Variants in RPS6KC1 observed in about 807,000 individuals in gnomAD.
RPS6KC1 encodes inactive ribosomal protein S6 kinase delta-1.
RPS6KC1 carries 54 observed loss-of-function variants against 103.8 expected under a neutral mutation model. The observed-to-expected ratio is 0.52, with a 90% CI of 0.42 to 0.65. RPS6KC1 has a LOEUF of 0.65. Ranked by LOEUF, RPS6KC1 falls within the 30% of genes least tolerant of loss-of-function variation. RPS6KC1 has a pLI of 0.00. For missense variants in RPS6KC1, 1,151 were observed against 1,253.8 expected (o/e 0.92, Z 1.24); for synonymous variants, 439 against 438.7 (o/e 1.00, Z -0.01).
At chr1:213,841,753 G>A in the RPS6KC1 span, among the ~76,000 whole-genome samples, 1 of 152,216 alleles carries the variant, frequency 6.6e-6, no homozygotes, top group African/African-American at 2.4e-5. Flanking sequence ...CAGCAAAGAT[G>A]TTTGAGACAG....
the RPS6KC1 span, among the ~76,000 whole-genome samples, chr1:213,858,533 T>G: frequency 6.6e-6 from 1 of 152,140 alleles, no homozygotes; most frequent in Non-Finnish European, 1.5e-5. Context: ...CAGGCCAATA[T>G]TGCTGCACAG....
chr1:213,454,155 G>A, the RPS6KC1 span, among the ~76,000 whole-genome samples: 2 of 151,428 alleles, frequency 1.3e-5, no homozygotes, highest in South Asian at 2.1e-4. Context: ...CATGGGGGGG[G>A]TCAGCATTCC....
the RPS6KC1 span, among the ~76,000 whole-genome samples, chr1:213,454,026 A>T: frequency 2.0e-5 from 3 of 152,226 alleles, no homozygotes; most frequent in Non-Finnish European, 4.4e-5. Flanking sequence ...ATGTATGTAG[A>T]TAATAGTCTA....
At chr1:213,676,274 C>G in the RPS6KC1 span, among the ~76,000 whole-genome samples, 1 of 152,142 alleles carries the variant, frequency 6.6e-6, no homozygotes, top group Non-Finnish European at 1.5e-5. Flanking sequence ...GCTGCTCTAA[C>G]TGTGGCTTAT....
chr1:213,105,246 A>G (rs1307656281), intron 4 of RPS6KC1, among the ~76,000 whole-genome samples: 2 of 145,710 alleles, frequency 1.4e-5, no homozygotes, highest in Non-Finnish European at 3.0e-5. Flanking sequence ...CATTTTTAAT[A>G]ATAATTTTCT....
the RPS6KC1 span, among the ~76,000 whole-genome samples, chr1:213,769,013 A>G: frequency 6.6e-6 from 1 of 152,212 alleles, no homozygotes; most frequent in Non-Finnish European, 1.5e-5. Flanking sequence ...GGACAACAAA[A>G]GCGGCAGGGA....
At chr1:213,375,446 C>T in the RPS6KC1 span, among the ~76,000 whole-genome samples, 76,486 of 152,056 alleles carry the variant, frequency 0.5, 22,213 homozygotes, top group East Asian at 0.75. Context: ...TGGTAGATTT[C>T]GAGGTGAATG....
chr1:213,342,009 A>T, the RPS6KC1 span, among the ~76,000 whole-genome samples: 5 of 152,162 alleles, frequency 3.3e-5, no homozygotes, highest in African/African-American at 1.2e-4. Context: ...GTGTCAGTGC[A>T]TGTTCATTTC....
At chr1:213,100,264 T>C (rs1419285922) in intron 3 of RPS6KC1, among the ~76,000 whole-genome samples, 1 of 145,154 alleles carries the variant, frequency 6.9e-6, no homozygotes, top group African/African-American at 2.9e-5. Context: ...TATCCTTTTT[T>C]TTTGAAGTAT....
the RPS6KC1 span, among the ~76,000 whole-genome samples, chr1:213,662,427 A>ATTTTTT: frequency 1.5e-5 from 1 of 67,128 alleles, no homozygotes. Context: ...ACACCTGGCT[A>ATTTTTT]ATTTTTTTTT....
chr1:213,625,585 C>T, the RPS6KC1 span, among the ~76,000 whole-genome samples: 10 of 152,186 alleles, frequency 6.6e-5, no homozygotes, highest in East Asian at 3.8e-4. Flanking sequence ...CTCCCTCCTC[C>T]GACCCCACAA....
the RPS6KC1 span, among the ~76,000 whole-genome samples, chr1:213,563,535 C>A: frequency 1.4e-3 from 210 of 152,190 alleles, 2 homozygotes; most frequent in African/African-American, 4.8e-3. Context: ...ACTCTTCATT[C>A]CCACTTTATT....
At chr1:213,182,227 C>A (rs1191508790) in intron 8 of RPS6KC1, among the ~76,000 whole-genome samples, 1 of 152,158 alleles carries the variant, frequency 6.6e-6, no homozygotes, top group Non-Finnish European at 1.5e-5. Flanking sequence ...TGCAGTGGCT[C>A]ACATCTGTAA....
the RPS6KC1 span, among the ~76,000 whole-genome samples, chr1:213,630,448 C>A: frequency 6.6e-6 from 1 of 152,142 alleles, no homozygotes; most frequent in South Asian, 2.1e-4. Flanking sequence ...TTAAGGACTT[C>A]TCTGCATTGG....
At chr1:213,801,794 G>C in the RPS6KC1 span, among the ~76,000 whole-genome samples, 1 of 152,180 alleles carries the variant, frequency 6.6e-6, no homozygotes, top group Non-Finnish European at 1.5e-5. Flanking sequence ...CCAAGGATTT[G>C]GGGCAAGTTG....
the RPS6KC1 span, among the ~76,000 whole-genome samples, chr1:213,431,997 G>T: frequency 6.6e-6 from 1 of 152,104 alleles, no homozygotes; most frequent in Non-Finnish European, 1.5e-5. Flanking sequence ...AATGGCAGGG[G>T]CATACTGTAT....
chr1:213,720,673 C>G, the RPS6KC1 span, among the ~76,000 whole-genome samples: 7 of 152,306 alleles, frequency 4.6e-5, no homozygotes, highest in South Asian at 1.2e-3. Flanking sequence ...TCATTTCAGG[C>G]TAAGGGCTAT....
chr1:213,735,933 A>G, the RPS6KC1 span, among the ~76,000 whole-genome samples: 4 of 152,136 alleles, frequency 2.6e-5, no homozygotes, highest in African/African-American at 9.7e-5. Flanking sequence ...TAATTTCTCT[A>G]TGGAGCACTG....
At chr1:213,307,611 A>G in the RPS6KC1 span, among the ~76,000 whole-genome samples, 2 of 152,200 alleles carry the variant, frequency 1.3e-5, no homozygotes, top group African/African-American at 2.4e-5. Flanking sequence ...TGGTATCAGT[A>G]TGATTCTTTA....
Sources: allele counts gnomAD v4.1 joint callset (sites outside exome capture counted in the v4.1 genomes callset), GRCh38; gene constraint gnomAD v4.1.1; transcripts MANE v1.5; gene names NCBI Gene and HGNC (gene_info 2026-07-23, HGNC 2026-07-21).